NFIC: variants seen among roughly 807,000 people sequenced by gnomAD.
NFIC encodes the protein nuclear factor I C.
Under a neutral mutation model 54.4 loss-of-function variants are expected in NFIC, and 12 were observed. The ratio of observed to expected loss-of-function variants is 0.22; its 90% CI spans 0.14 to 0.36. NFIC has a LOEUF of 0.36. Ranked by LOEUF, NFIC falls within the 10% of genes least tolerant of loss-of-function variation. The pLI, the probability that NFIC is intolerant of heterozygous loss-of-function variation, is 1.00. For synonymous variants in NFIC, 322 were observed against 319.2 expected, an observed-to-expected ratio of 1.01 and a Z score of -0.09; for missense variants, 575 against 718.2, an observed-to-expected ratio of 0.80 and a Z score of 2.28.
chr19:3,379,997 T>G (rs60549462), intron 1 of NFIC, among the ~76,000 whole-genome samples: 13,220 of 150,774 alleles, frequency 0.088, 822 homozygotes, highest in African/African-American at 0.17. Context: ...CCCTAGTTTT[T>G]TTTTGTTTTG....
At chr19:3,379,673 C>CTTTTTTTTTTTTTTTTTTTTTTTTTTTTT (rs370082450) in intron 1 of NFIC, among the ~76,000 whole-genome samples, 5 of 102,536 alleles carry the variant, frequency 4.9e-5, no homozygotes, top group African/African-American at 1.4e-4. Flanking sequence ...TTATTTCTTT[C>CTTTTTTTTTTTTTTTTTTTTTTTTTTTTT]TTTTTTTTTT....
chr19:3,371,314 C>CA (rs2081004353), intron 1 of NFIC: 1 of 147,736 alleles, frequency 6.8e-6, no homozygotes, highest in Non-Finnish European at 1.5e-5. Flanking sequence ...TTCAGGGAGG[C>CA]AGCACAATTT....
chr19:3,456,037 C>T (rs1008852326), intron 9 of NFIC, among the ~76,000 whole-genome samples: 1 of 152,132 alleles, frequency 6.6e-6, no homozygotes, highest in Admixed American at 6.5e-5. Flanking sequence ...AGCCCCAGGC[C>T]GTGAGTTACT....
At chr19:3,416,816 C>G (rs1299304508) in intron 2 of NFIC, among the ~76,000 whole-genome samples, 4 of 151,590 alleles carry the variant, frequency 2.6e-5, no homozygotes, top group Non-Finnish European at 5.9e-5. Context: ...AGCCACCGTG[C>G]CCATCCTACA....
chr19:3,391,623 C>A (rs1466844915), intron 2 of NFIC, among the ~76,000 whole-genome samples: 1 of 152,014 alleles, frequency 6.6e-6, no homozygotes, highest in East Asian at 1.9e-4. Context: ...ATGGCAAAAC[C>A]CCGTCTCTAC....
At chr19:3,381,343 C>T (rs1373366969) in intron 1 of NFIC, among the ~76,000 whole-genome samples, 2 of 144,662 alleles carry the variant, frequency 1.4e-5, no homozygotes, top group African/African-American at 2.6e-5. Flanking sequence ...TGCAGTGGGC[C>T]GAGATTGCGC....
intron 1 of NFIC, among the ~76,000 whole-genome samples, chr19:3,374,671 G>A (rs905293917): frequency 2.6e-5 from 4 of 152,194 alleles, no homozygotes; most frequent in Non-Finnish European, 5.9e-5. Flanking sequence ...ATAGGGCGTT[G>A]AGGGATGTGT....
intron 3 of NFIC, among the ~76,000 whole-genome samples, chr19:3,426,056 T>C (rs984562164): frequency 4.1e-5 from 6 of 147,766 alleles, no homozygotes; most frequent in African/African-American, 1.5e-4. Context: ...TGCCTCAGCC[T>C]CCTGAGTAGC....
chr19:3,460,506 T>G (rs1372557614), intron 10 of NFIC, among the ~76,000 whole-genome samples: 4 of 151,974 alleles, frequency 2.6e-5, no homozygotes, highest in South Asian at 2.1e-4. Flanking sequence ...TTTTTTTTGT[T>G]TTTTTTTGGT....
intron 2 of NFIC, among the ~76,000 whole-genome samples, chr19:3,424,752 G>A (rs1047875858): frequency 3.3e-4 from 50 of 152,192 alleles, no homozygotes; most frequent in East Asian, 3.8e-4. Context: ...GCAAGAAAGC[G>A]GCACAGCTGG....
intron 2 of NFIC, among the ~76,000 whole-genome samples, chr19:3,412,936 G>C (rs1236047026): frequency 4.6e-5 from 7 of 152,128 alleles, no homozygotes; most frequent in Admixed American, 4.6e-4. Context: ...TGTCCCAGCT[G>C]TCCCCAGTAT....
chr19:3,407,518 T>C (rs1261226105), intron 2 of NFIC, among the ~76,000 whole-genome samples: 1 of 152,068 alleles, frequency 6.6e-6, no homozygotes, highest in African/African-American at 2.4e-5. Flanking sequence ...CACCGTGCCC[T>C]CTGCCTCCCG....
intron 10 of NFIC, 31 bp from the exon 11 acceptor site, chr19:3,462,721 T>C (rs2082659442): frequency 6.2e-7 from 1 of 1,612,530 alleles, no homozygotes; most frequent in Non-Finnish European, 8.5e-7. Context: ...TTTTTCTCTC[T>C]CCCTCTTTCT....
chr19:3,366,912 ACTCTCGGGAC>A (rs1382582793), intron 1 of NFIC, among the ~76,000 whole-genome samples: 1 of 145,442 alleles, frequency 6.9e-6, no homozygotes, highest in Non-Finnish European at 1.5e-5. Flanking sequence ...CCCAACCCCG[ACTCTCGGGAC>A]CTCTCCCGGA....
intron 2 of NFIC, among the ~76,000 whole-genome samples, chr19:3,389,331 C>T (rs751683490): frequency 2.0e-5 from 3 of 152,116 alleles, no homozygotes; most frequent in Non-Finnish European, 4.4e-5. Context: ...AAAGTCCTGC[C>T]CTCTCTGGTC....
chr19:3,411,005 C>A, intron 2 of NFIC: 1 of 56,520 alleles, frequency 1.8e-5, no homozygotes, highest in Non-Finnish European at 3.4e-5. Flanking sequence ...TTAAAAACCC[C>A]AGTGCTGTTT....
intron 3 of NFIC, among the ~76,000 whole-genome samples, chr19:3,425,918 C>CTTTTTTTTTTTTTTTTTT (rs869165549): frequency 3.7e-5 from 2 of 54,488 alleles, no homozygotes; most frequent in Non-Finnish European, 6.3e-5. Context: ...CCATGCCTGG[C>CTTTTTTTTTTTTTTTTTT]TTTTTTTTTT....
chr19:3,359,807 G>A, intron 1 of NFIC: 2 of 1,080,692 alleles, frequency 1.9e-6, no homozygotes, highest in Non-Finnish European at 2.4e-6. Context: ...GGAGGGGCTC[G>A]AGGCGGGGAC....
chr19:3,430,836 A>C (rs2082108124), intron 3 of NFIC, among the ~76,000 whole-genome samples: 1 of 150,920 alleles, frequency 6.6e-6, no homozygotes, highest in Non-Finnish European at 1.5e-5. Flanking sequence ...GGAGGCTGAG[A>C]CAGGAGAATC....
Sources: allele counts gnomAD v4.1 joint callset (sites outside exome capture counted in the v4.1 genomes callset), GRCh38; gene constraint gnomAD v4.1.1; transcripts MANE v1.5; gene names NCBI Gene and HGNC (gene_info 2026-07-23, HGNC 2026-07-21).